The following CPVL variants were observed in gnomAD, a reference collection of about 807,000 sequenced individuals.
CPVL encodes the protein probable serine carboxypeptidase CPVL.
A neutral mutation model predicts 63.7 loss-of-function variants in CPVL; 51 were observed. The ratio of observed to expected loss-of-function variants is 0.80; its 90% CI spans 0.64 to 1.01. The LOEUF (loss-of-function observed/expected upper bound fraction) is 1.01, where lower values mean the gene tolerates loss of function less well. Among genes scored for constraint, CPVL ranks in the 50% least tolerant of loss-of-function variants. CPVL has a pLI of 0.00. For missense variants in CPVL, 530 were observed against 573.1 expected, an observed-to-expected ratio of 0.92 and a Z score of 0.77; for synonymous variants, 195 against 206.0, an observed-to-expected ratio of 0.95 and a Z score of 0.46.
At chr7:29,167,711 GA>G (rs1199937652) in intron 5 of CPVL, among the ~76,000 whole-genome samples, 2 of 152,068 alleles carry the variant, frequency 1.3e-5, no homozygotes, top group African/African-American at 4.8e-5. Context: ...CAATCTGATA[GA>G]AAAAAACTGG....
intron 11 of CPVL, among the ~76,000 whole-genome samples, chr7:29,045,959 A>G (rs1373755217): frequency 1.3e-5 from 2 of 152,180 alleles, no homozygotes; most frequent in African/African-American, 4.8e-5. Flanking sequence ...TCAGTCTGGT[A>G]GTGAAGCTAA....
At chr7:29,104,222 A>G (rs1442863458) in intron 3 of CPVL, among the ~76,000 whole-genome samples, 2 of 152,208 alleles carry the variant, frequency 1.3e-5, no homozygotes, top group African/African-American at 4.8e-5. Context: ...GACTGCTGCC[A>G]TGGCACCATC....
intron 10 of CPVL, among the ~76,000 whole-genome samples, chr7:29,065,070 C>T (rs1282323755): frequency 4.7e-5 from 7 of 149,814 alleles, no homozygotes; most frequent in Admixed American, 4.6e-4. Context: ...AAAAAAACTG[C>T]AATAAAGTCT....
chr7:29,095,343 C>T (rs1271288451), intron 4 of CPVL, among the ~76,000 whole-genome samples: 3 of 152,146 alleles, frequency 2.0e-5, no homozygotes, highest in African/African-American at 7.2e-5. Flanking sequence ...TTCCCCCAGC[C>T]CAGAGTGTTT....
chr7:29,030,020 G>A (rs1033780095), intron 12 of CPVL, among the ~76,000 whole-genome samples: 4 of 152,126 alleles, frequency 2.6e-5, no homozygotes, highest in Non-Finnish European at 5.9e-5. Context: ...TAAAGATACC[G>A]TTTCCAACAA....
chr7:29,034,881 C>A (rs1788375091), intron 11 of CPVL, among the ~76,000 whole-genome samples: 1 of 145,642 alleles, frequency 6.9e-6, no homozygotes, highest in Non-Finnish European at 1.5e-5. Context: ...AACAATAATG[C>A]TATGAGGTTG....
chr7:29,066,242 G>A lies in CPVL; in HGVS notation c.865-121C>T, dbSNP rs56168268. 0.034 allele frequency: 21,302 copies of A among 620,510 alleles called. 3,327 individuals carry two copies. In the African/African-American group the frequency reaches 0.35, roughly 10 times the overall value. The allele number at this position is 620,510 out of a possible 1,614,324, so 38.4% of individuals were successfully genotyped here. On this transcript the variant is annotated intron_variant, in intron 9 of 12. Transcript: ENST00000265394. ...TTTCATTCCTTTATTGTTTCATCCA[G>A]CGCCCACTTATTGTGCATATTCTCT...
At chr7:29,173,034 G>C (rs990362343) in intron 5 of CPVL, among the ~76,000 whole-genome samples, 6 of 151,824 alleles carry the variant, frequency 4.0e-5, no homozygotes, top group Non-Finnish European at 5.9e-5. Flanking sequence ...AGGAGCCTGG[G>C]GAAGGAGAAT....
intron 5 of CPVL, among the ~76,000 whole-genome samples, chr7:29,178,932 C>A (rs971503777): frequency 3.3e-5 from 5 of 152,172 alleles, no homozygotes; most frequent in African/African-American, 4.8e-5. Context: ...CACTAACACA[C>A]CATTTAAGGG....
At chr7:29,097,982 C>T (rs1031781745) in intron 3 of CPVL, among the ~76,000 whole-genome samples, 3 of 152,168 alleles carry the variant, frequency 2.0e-5, no homozygotes, top group Non-Finnish European at 1.5e-5. Flanking sequence ...CCTGAAAAAG[C>T]TCTACTTGGC....
intron 5 of CPVL, among the ~76,000 whole-genome samples, chr7:29,174,962 AT>A (rs1311757688): frequency 6.6e-6 from 1 of 152,118 alleles, no homozygotes; most frequent in African/African-American, 2.4e-5. Context: ...AAATATAAAA[AT>A]TGTATTCATC....
chr7:29,073,569 G>C (rs1783956438), intron 7 of CPVL, among the ~76,000 whole-genome samples: 1 of 152,028 alleles, frequency 6.6e-6, no homozygotes, highest in Non-Finnish European at 1.5e-5. Flanking sequence ...CACATACCAG[G>C]CACATGTCTG....
chr7:29,158,802 T>G (rs1041386105), intron 5 of CPVL, among the ~76,000 whole-genome samples: 3 of 152,180 alleles, frequency 2.0e-5, no homozygotes, highest in African/African-American at 7.2e-5. Context: ...TTCACCCTAT[T>G]TTAAATATTT....
intron 1 of CPVL, among the ~76,000 whole-genome samples, chr7:29,138,967 C>T (rs1791555843): frequency 6.6e-6 from 1 of 152,170 alleles, no homozygotes; most frequent in South Asian, 2.1e-4. Flanking sequence ...GGACATAATG[C>T]TAACACACCT....
intron 11 of CPVL, among the ~76,000 whole-genome samples, chr7:29,057,721 G>C (rs1790880197): frequency 6.6e-6 from 1 of 152,082 alleles, no homozygotes. Flanking sequence ...TTTGTATGTG[G>C]ATATATCCAT....
intron 12 of CPVL, among the ~76,000 whole-genome samples, chr7:29,014,480 C>T (rs985994473): frequency 1.3e-5 from 2 of 151,726 alleles, no homozygotes; most frequent in South Asian, 2.1e-4. Flanking sequence ...TACAGGCCTG[C>T]ACCACCACAC....
At chr7:29,081,669 C>G (rs565469497) in intron 7 of CPVL, among the ~76,000 whole-genome samples, 2 of 152,172 alleles carry the variant, frequency 1.3e-5, no homozygotes, top group East Asian at 3.8e-4. Context: ...AATGAGTTAG[C>G]GGAGCTTCTA....
At chr7:29,133,024 A>G (rs1213941745) in intron 1 of CPVL, among the ~76,000 whole-genome samples, 1 of 152,132 alleles carries the variant, frequency 6.6e-6, no homozygotes, top group Admixed American at 6.5e-5. Context: ...TCACACAGCT[A>G]ATGCAAGGGC....
chr7:29,104,575 T>C (rs1469253251), intron 3 of CPVL, among the ~76,000 whole-genome samples: 5 of 152,326 alleles, frequency 3.3e-5, no homozygotes, highest in African/African-American at 1.2e-4. Flanking sequence ...AATCTTTTTT[T>C]GTTTTGAGGC....
Sources: allele counts gnomAD v4.1 joint callset (sites outside exome capture counted in the v4.1 genomes callset), GRCh38; gene constraint gnomAD v4.1.1; transcripts MANE v1.5; gene names NCBI Gene and HGNC (gene_info 2026-07-23, HGNC 2026-07-21).